The following WDR7 variants were observed in gnomAD, a reference collection of about 807,000 sequenced individuals.
WDR7 encodes WD repeat domain 7.
WDR7 carries 46 observed loss-of-function variants against 169.4 expected under a neutral mutation model. The ratio of observed to expected loss-of-function variants is 0.27; its 90% CI spans 0.21 to 0.35. The LOEUF (loss-of-function observed/expected upper bound fraction) is 0.35, where lower values mean the gene tolerates loss of function less well. WDR7 is among the 10% of genes least tolerant of loss of function. WDR7 has a pLI of 1.00. For synonymous variants in WDR7, 612 were observed against 666.8 expected (o/e 0.92, Z 1.27); for missense variants, 1,534 against 1,859.3 (o/e 0.83, Z 3.22).
At chr18:56,797,024 C>A (rs982543592) in intron 19 of WDR7, among the ~76,000 whole-genome samples, 11 of 152,150 alleles carry the variant, frequency 7.2e-5, no homozygotes, top group African/African-American at 2.2e-4. Flanking sequence ...CAGACATCAT[C>A]ATGCCTTTCT....
chr18:56,743,496 A>G (rs1460144805), intron 14 of WDR7, among the ~76,000 whole-genome samples: 1 of 152,168 alleles, frequency 6.6e-6, no homozygotes, highest in Admixed American at 6.5e-5. Flanking sequence ...AGTTTCAGGC[A>G]GAGTAGAGAG....
intron 26 of WDR7, among the ~76,000 whole-genome samples, chr18:57,014,663 A>G (rs1307664097): frequency 2.4e-5 from 2 of 81,678 alleles, no homozygotes; most frequent in African/African-American, 3.6e-5. Context: ...GTCTCAAAAG[A>G]AAAAAAAAAG....
At chr18:56,971,738 T>C (rs2047491578) in intron 26 of WDR7, among the ~76,000 whole-genome samples, 1 of 152,080 alleles carries the variant, frequency 6.6e-6, no homozygotes, top group African/African-American at 2.4e-5. Context: ...AGGCAGAAGG[T>C]ATAACATATG....
chr18:56,742,692 C>T (rs1452675619), intron 14 of WDR7, among the ~76,000 whole-genome samples: 1 of 152,098 alleles, frequency 6.6e-6, no homozygotes, highest in African/African-American at 2.4e-5. Flanking sequence ...ATTGCGGAAG[C>T]CTGTCTCAGC....
At chr18:56,786,271 C>T (rs948970448) in intron 19 of WDR7, among the ~76,000 whole-genome samples, 2 of 152,156 alleles carry the variant, frequency 1.3e-5, no homozygotes, top group African/African-American at 4.8e-5. Flanking sequence ...TGGCTCACGC[C>T]TGTAATCCTA....
At chr18:57,001,087 G>A (rs921602345) in intron 26 of WDR7, among the ~76,000 whole-genome samples, 11 of 111,748 alleles carry the variant, frequency 9.8e-5, no homozygotes, top group African/African-American at 3.7e-4. Flanking sequence ...GAGAGAGAGA[G>A]ATGTAAGTTT....
chr18:56,918,890 T>C (rs2046669395), intron 21 of WDR7, among the ~76,000 whole-genome samples: 1 of 152,220 alleles, frequency 6.6e-6, no homozygotes, highest in South Asian at 2.1e-4. Flanking sequence ...AGGCCAAACA[T>C]AAAAGTGTTT....
chr18:56,700,668 C>G (rs2025813545), intron 12 of WDR7, among the ~76,000 whole-genome samples: 1 of 148,716 alleles, frequency 6.7e-6, no homozygotes, highest in African/African-American at 2.5e-5. Context: ...CTCCCGGGTT[C>G]ACGCCATTCT....
At chr18:56,946,861 G>A (rs2047110736) in intron 25 of WDR7, among the ~76,000 whole-genome samples, 1 of 152,100 alleles carries the variant, frequency 6.6e-6, no homozygotes. Context: ...AGCTCTTCCT[G>A]GAGTTGTTTA....
rs754108692 is a variant in WDR7 at position 56,757,008 on chromosome 18, C to T, written c.2415C>T (p.Ser805=). The stretch of plus-strand genomic sequence containing the variant: ...TGGACACTGCAAAGCTGTTTATGTC[C>T]TGCCTTCACGCCTGGGGTTTGAATG... The part of the protein sequence containing the change: ...LTMDTAKLFM[S]CLHAWGLNEV... The change falls in exon 15 of 28, where the codon TCC becomes TCT. Residue 805 remains serine, a synonymous_variant. Transcript: ENST00000254442. 2.5e-6 allele frequency: 4 copies of T among 1,613,986 alleles called. No homozygotes were observed. The African/African-American group carries it at 4.0e-5, about 16-fold the overall frequency.
intron 14 of WDR7, chr18:56,753,143 A>C (rs923484542): frequency 6.6e-6 from 1 of 152,192 alleles, no homozygotes; most frequent in African/African-American, 2.4e-5. Context: ...TTAAGACAGA[A>C]GGGAGACCAG....
At chr18:56,965,347 A>G (rs2047393895) in intron 26 of WDR7, among the ~76,000 whole-genome samples, 1 of 152,070 alleles carries the variant, frequency 6.6e-6, no homozygotes, top group African/African-American at 2.4e-5. Context: ...GAAGGGTCAT[A>G]TATGTCCCCT....
intron 21 of WDR7, among the ~76,000 whole-genome samples, chr18:56,902,140 T>A (rs2046411696): frequency 1.3e-5 from 2 of 152,146 alleles, no homozygotes; most frequent in African/African-American, 4.8e-5. Flanking sequence ...ATATAGCAGT[T>A]GGCTTGAGTT....
In WDR7 at chr18:56,696,312, C is replaced by T. The variant is rs1449868229; in HGVS notation, c.1428C>T (p.Val476=). 6.2e-7 allele frequency: 1 copy of T among 1,614,030 alleles called. No individual in the cohort carries two copies. The highest frequency in any genetic ancestry group is 1.3e-5 in the African/African-American group (1 of 74,936). Reference sequence around the variant, plus strand: ...CATGTTTGCTATATCCTCATCAGGTCTCAGCTCGGTATGATCAAAGATACC... The same window carrying T: ...CATGTTTGCTATATCCTCATCAGGTTTCAGCTCGGTATGATCAAAGATACC... The part of the protein sequence containing the change: ...KVTCLLYPHQ[V]SARYDQRYLI... Residue 476 remains valine, a synonymous_variant, in exon 12 of 28, where the codon GTC becomes GTT. Coordinates refer to ENST00000254442, the MANE Select transcript of WDR7 (RefSeq NM_015285.3).
chr18:56,928,275 G>A (rs888831664), intron 22 of WDR7, among the ~76,000 whole-genome samples: 8 of 152,034 alleles, frequency 5.3e-5, no homozygotes, highest in Non-Finnish European at 8.8e-5. Context: ...AACAGCCTGG[G>A]TAACATAGCG....
At chr18:56,924,293 A>G (rs1039998568) in intron 22 of WDR7, among the ~76,000 whole-genome samples, 185 bp downstream of exon 22, 1 of 152,204 alleles carries the variant, frequency 6.6e-6, no homozygotes, top group Admixed American at 6.5e-5. Flanking sequence ...TAATTTTAAC[A>G]CAATCGGGAT....
chr18:56,812,733 G>T (rs896629318), intron 19 of WDR7, among the ~76,000 whole-genome samples: 14 of 152,082 alleles, frequency 9.2e-5, no homozygotes, highest in Non-Finnish European at 1.8e-4. Flanking sequence ...AGAAGAAAAA[G>T]GATATCCCAG....
chr18:56,703,061 A>G (rs188711082), intron 12 of WDR7, among the ~76,000 whole-genome samples: 21 of 152,332 alleles, frequency 1.4e-4, no homozygotes, highest in African/African-American at 4.8e-4. Flanking sequence ...AATTTATCAT[A>G]TTAAACTTTT....
chr18:56,731,323 C>T, intron 13 of WDR7, 60 bp from the exon 14 acceptor site: 10 of 1,552,742 alleles, frequency 6.4e-6, no homozygotes, highest in African/African-American at 1.4e-5. Context: ...TTTTTCTTTA[C>T]TTAAACTATT....
Sources: gnomAD v4.1 joint callset for allele counts (sites outside exome capture counted in the v4.1 genomes callset) on GRCh38, gnomAD v4.1.1 for gene constraint, MANE v1.5 for transcripts, NCBI Gene and HGNC (gene_info 2026-07-23, HGNC 2026-07-21) for gene names.